Variants in ASH1L observed in about 807,000 individuals in gnomAD.
ASH1L encodes ASH1 like histone lysine methyltransferase.
ASH1L carries 23 observed loss-of-function variants against 269.0 expected under a neutral mutation model. That is an observed-to-expected ratio of 0.09 (90% CI 0.06 to 0.12). ASH1L has a LOEUF of 0.12. Ranked by LOEUF, ASH1L falls within the 10% of genes least tolerant of loss-of-function variation. The pLI is 1.00. For missense variants in ASH1L, 2,912 were observed against 3,567.8 expected (o/e 0.82, Z 4.68); for synonymous variants, 1,187 against 1,253.5 (o/e 0.95, Z 1.12).
chr1:155,465,289 C>CAAAAAAAAAAA (rs1171228344), intron 3 of ASH1L, among the ~76,000 whole-genome samples: 3 of 62,572 alleles, frequency 4.8e-5, no homozygotes, highest in Non-Finnish European at 6.3e-5. Context: ...TACAAATTAG[C>CAAAAAAAAAAA]AAAAAAAAAA....
chr1:155,545,103 CAG>C (rs1226333738), intron 1 of ASH1L, among the ~76,000 whole-genome samples: 1 of 125,406 alleles, frequency 8.0e-6, no homozygotes, highest in East Asian at 2.4e-4. Flanking sequence ...ACCCGGGAGG[CAG>C]AGGTTGCGGT....
At chr1:155,410,175 G>T (rs2148522391) in intron 6 of ASH1L, among the ~76,000 whole-genome samples, 1 of 152,082 alleles carries the variant, frequency 6.6e-6, no homozygotes, top group South Asian at 2.1e-4. Flanking sequence ...CACTTAGGCT[G>T]GAATGTAATG....
chr1:155,535,647 TAAA>T (rs767295479), intron 1 of ASH1L, among the ~76,000 whole-genome samples: 1 of 131,520 alleles, frequency 7.6e-6, no homozygotes, highest in Admixed American at 7.8e-5. Context: ...CCCCATCTCT[TAAA>T]AAAAAAAAAA....
chr1:155,555,141 C>CAAAAA (rs546459143), intron 1 of ASH1L, among the ~76,000 whole-genome samples: 1 of 94,120 alleles, frequency 1.1e-5, no homozygotes, highest in Non-Finnish European at 2.0e-5. Context: ...GAAACCGTCT[C>CAAAAA]AAAAAAAAAA....
intron 5 of ASH1L, among the ~76,000 whole-genome samples, chr1:155,437,439 T>A (rs935744276): frequency 1.3e-5 from 2 of 151,986 alleles, no homozygotes; most frequent in African/African-American, 2.4e-5. Context: ...AAAAAAAAAA[T>A]TGAAAATAGC....
At chr1:155,416,913 T>C (rs1482523232) in intron 5 of ASH1L, among the ~76,000 whole-genome samples, 2 of 147,998 alleles carry the variant, frequency 1.4e-5, no homozygotes, top group Admixed American at 6.8e-5. Context: ...TCCTTTCTTT[T>C]TCTTTTCTTT....
rs779169208 is a variant in ASH1L, at chr1:155,562,436, CGGCGGCGGCAGCAGCAGAGTGGCGGCGGT to C, written c.-412_-384del. The C allele has an allele frequency of 2.0e-5, 29 of 1,471,186 alleles. No homozygotes were observed. Among genetic ancestry groups the C allele is most frequent in the Middle Eastern group, 1.7e-4 (1 of 5,776 alleles). The allele number at this position is 1,471,186 out of a possible 1,614,324, so 91.1% of individuals were successfully genotyped here. A position where few individuals can be genotyped will look rare whatever the true frequency, so the allele number is the denominator to read the frequency against. ...AAAATGGCGGCGGGAGCGGCGGCGGCGGCGGCGGCAGCAGCAGAGTGGCGGCGGTGGCGGCGGCAGCTCCTCCAGAGGGA... is the reference window on the plus strand; with the variant it reads ...AAAATGGCGGCGGGAGCGGCGGCGGCGGCGGCGGCAGCTCCTCCAGAGGGA... On this transcript the variant is annotated 5_prime_UTR_variant, in exon 1 of 28. Transcript: ENST00000392403.
chr1:155,362,010 T>C (rs1655000634), intron 12 of ASH1L, among the ~76,000 whole-genome samples: 1 of 152,042 alleles, frequency 6.6e-6, no homozygotes, highest in Non-Finnish European at 1.5e-5. Context: ...ATATGTAAGG[T>C]AATGATCATT....
At chr1:155,403,891 T>TAAA (rs760922886) in intron 6 of ASH1L, among the ~76,000 whole-genome samples, 1 of 138,136 alleles carries the variant, frequency 7.2e-6, no homozygotes, top group Non-Finnish European at 1.6e-5. Flanking sequence ...TTCCTACCAT[T>TAAA]AAAAAAAAAA....
chr1:155,433,012 C>T (rs565362012), intron 5 of ASH1L, among the ~76,000 whole-genome samples: 64 of 152,314 alleles, frequency 4.2e-4, no homozygotes, highest in Admixed American at 1.8e-3. Flanking sequence ...CATAAATGGT[C>T]AAGATGTCTC....
chr1:155,517,927 A>G (rs1668612074), intron 2 of ASH1L, among the ~76,000 whole-genome samples: 1 of 146,778 alleles, frequency 6.8e-6, no homozygotes, highest in South Asian at 2.2e-4. Context: ...CAGCCTCCCA[A>G]GTAGCTGGGA....
chr1:155,459,241 G>C (rs547807086), intron 4 of ASH1L, among the ~76,000 whole-genome samples: 3 of 151,908 alleles, frequency 2.0e-5, no homozygotes, highest in African/African-American at 7.2e-5. Context: ...TGTCACCCAG[G>C]CTGGAAAGCA....
chr1:155,559,162 C>T (rs1012140270), intron 1 of ASH1L, among the ~76,000 whole-genome samples: 3 of 152,014 alleles, frequency 2.0e-5, no homozygotes, highest in South Asian at 2.1e-4. Context: ...TTTACATAAA[C>T]GCACTGTAGA....
chr1:155,429,444 T>G (rs950979737), intron 5 of ASH1L, among the ~76,000 whole-genome samples: 1 of 152,084 alleles, frequency 6.6e-6, no homozygotes, highest in Non-Finnish European at 1.5e-5. Flanking sequence ...GGCTAACTTT[T>G]TGTATTCTTA....
At position 155,438,340 on chromosome 1, in the gene ASH1L, C is replaced by T. The variant is rs1662260645; in HGVS notation, c.5815G>A (p.Glu1939Lys). The T allele has an allele frequency of 6.4e-7, 1 of 1,560,894 alleles. No individual in the cohort carries two copies. Among genetic ancestry groups the T allele is most frequent in the Non-Finnish European group, 8.6e-7 (1 of 1,158,490 alleles). Residue 1939 changes from glutamate to lysine, a missense_variant, in exon 5 of 28, where the codon GAG (glutamate) becomes AAG (lysine). Transcript: ENST00000392403. ...ATGAGGAATTACCTTTTATTATTCT[C>T]TTGCTCTTCTTCCTCTGGTAATGGC... ...QKPLPEEEEQ[E>K]NNKSFNEAPV...
At chr1:155,375,640 A>G (rs926178767) in intron 10 of ASH1L, among the ~76,000 whole-genome samples, 5 of 152,048 alleles carry the variant, frequency 3.3e-5, no homozygotes, top group African/African-American at 1.2e-4. Flanking sequence ...TACAAAAATT[A>G]TTAGCCGGGT....
chr1:155,343,616 C>A lies in ASH1L; in HGVS notation c.8108G>T (p.Trp2703Leu). 1 of 1,614,088 alleles carries A rather than the reference C, an allele frequency of 6.2e-7. No individual in the cohort carries two copies. The highest frequency in any genetic ancestry group is 1.3e-5 in the African/African-American group (1 of 75,024). ...CCTCAGCACGTACTTTTCATTCTTCCAAAGCTTCTCAATGCGAAAGATGTC... is the reference window on the plus strand; with the variant it reads ...CCTCAGCACGTACTTTTCATTCTTCAAAAGCTTCTCAATGCGAAAGATGTC... ...KLDIFRIEKL[W>L]KNEKEERFAF... Residue 2703 changes from tryptophan (W) to leucine (L), a missense_variant, in exon 23 of 28, where the codon TGG becomes TTG. By Grantham distance (61) the Trp-to-Leu change is moderately conservative (BLOSUM62 -2). Coordinates refer to ENST00000392403, the MANE Select transcript of ASH1L (RefSeq NM_018489.3). This position sits in a 1 kb window ranked among gnomAD's most constrained non-coding sequence, Gnocchi z 6.1.
intron 6 of ASH1L, among the ~76,000 whole-genome samples, chr1:155,415,290 G>A (rs1267686143): frequency 6.6e-6 from 1 of 150,670 alleles, no homozygotes; most frequent in Non-Finnish European, 1.5e-5. Flanking sequence ...GCTGAGGTAG[G>A]AGAATGGCGT....
intron 2 of ASH1L, among the ~76,000 whole-genome samples, chr1:155,489,849 A>G (rs1284759822): frequency 2.0e-5 from 3 of 150,140 alleles, no homozygotes; most frequent in South Asian, 2.1e-4. Context: ...AATATGGTAA[A>G]CATCCAATTG....
Sources: gnomAD v4.1 joint callset for allele counts (sites outside exome capture counted in the v4.1 genomes callset) on GRCh38, gnomAD v4.1.1 for gene constraint, Gnocchi (gnomAD v3.1) non-coding constraint, MANE v1.5 for transcripts, NCBI Gene and HGNC (gene_info 2026-07-23, HGNC 2026-07-21) for gene names.